The following TBC1D4 variants were observed in gnomAD, a reference collection of about 807,000 sequenced individuals.
TBC1D4 encodes the protein TBC (Tre-2, BUB2, CDC16) domain-containing protein.
In TBC1D4, 121 loss-of-function variants were observed where a neutral mutation model predicts 142.5. The observed-to-expected ratio is 0.85, with a 90% CI of 0.73 to 0.99. The LOEUF (loss-of-function observed/expected upper bound fraction) is 0.99. Among genes scored for constraint, TBC1D4 ranks in the 50% least tolerant of loss-of-function variants. The pLI, the probability that TBC1D4 is intolerant of heterozygous loss-of-function variation, is 0.00. For synonymous variants in TBC1D4, 630 were observed against 628.2 expected (o/e 1.00, Z -0.04); for missense variants, 1,475 against 1,606.6 (o/e 0.92, Z 1.40).
Position 75,354,488 on chromosome 13 carries a change from C to T in TBC1D4, c.1275+1659G>A, listed in dbSNP as rs557325182. 3.4e-4 allele frequency among the ~76,000 whole-genome samples: 51 copies of T among 152,224 alleles called. 2 individuals are homozygous for T. The South Asian group carries it at 0.011, about 32-fold the overall frequency. On this transcript the variant is annotated intron_variant, in intron 4 of 20. Coordinates refer to ENST00000377636, the MANE Select transcript of TBC1D4 (RefSeq NM_014832.5). The stretch of plus-strand genomic sequence containing the variant: ...CTTTCAGTCAATAGGATTTGATGAA[C>T]AACTGCACATAAAATGTGAAAGAGA...
rs116240927 is a variant in TBC1D4 at position 75,460,459 on chromosome 13, C to T, written c.498+20811G>A. Among the ~76,000 whole-genome samples the T allele has an allele frequency of 4.2e-3, 643 of 152,184 alleles. 12 individuals are homozygous for T. The highest frequency in any genetic ancestry group is 0.015 in the African/African-American group (625 of 41,500). ...CAAGAGGGCATTCCCAACAAAAAGA[C>T]CAATGTGTGTAGAGAGAGATGTGGA... On this transcript the variant is annotated intron_variant, in intron 1 of 20. Coordinates refer to ENST00000377636, the MANE Select transcript of TBC1D4 (RefSeq NM_014832.5).
intron 1 of TBC1D4, among the ~76,000 whole-genome samples, chr13:75,408,493 T>C (rs1037507435): frequency 6.6e-6 from 1 of 152,238 alleles, no homozygotes; most frequent in Non-Finnish European, 1.5e-5. Flanking sequence ...CATATAATGG[T>C]GAAGTCCAGG....
intron 1 of TBC1D4, among the ~76,000 whole-genome samples, chr13:75,458,157 T>C (rs1240969432): frequency 1.3e-5 from 2 of 152,012 alleles, no homozygotes; most frequent in Non-Finnish European, 2.9e-5. Context: ...ACTTGAAGGA[T>C]GGTGAATGTG....
At chr13:75,355,222 T>C (rs988897973) in intron 4 of TBC1D4, among the ~76,000 whole-genome samples, 1 of 152,180 alleles carries the variant, frequency 6.6e-6, no homozygotes, top group Non-Finnish European at 1.5e-5. Flanking sequence ...ATGACGAAGT[T>C]GTATGTGTTT....
At chr13:75,453,762 T>A (rs1887619842) in intron 1 of TBC1D4, among the ~76,000 whole-genome samples, 1 of 151,520 alleles carries the variant, frequency 6.6e-6, no homozygotes, top group Admixed American at 6.6e-5. Context: ...CTCAGGAGGC[T>A]GAGATGGCAG....
chr13:75,447,628 G>A (rs1385930390), intron 1 of TBC1D4, among the ~76,000 whole-genome samples: 2 of 151,806 alleles, frequency 1.3e-5, no homozygotes, highest in Non-Finnish European at 2.9e-5. Flanking sequence ...AACAGTACTG[G>A]TCAGTGACCT....
At chr13:75,398,531 G>A (rs1884917301) in intron 1 of TBC1D4, among the ~76,000 whole-genome samples, 1 of 152,122 alleles carries the variant, frequency 6.6e-6, no homozygotes, top group Non-Finnish European at 1.5e-5. Flanking sequence ...GAACTTGGGG[G>A]TCAACTTAAG....
At chr13:75,295,644 G>T (rs1437311955) in intron 17 of TBC1D4, among the ~76,000 whole-genome samples, 1 of 152,130 alleles carries the variant, frequency 6.6e-6, no homozygotes, top group Non-Finnish European at 1.5e-5. Flanking sequence ...AGAACTAAAA[G>T]AAAAAATTAT....
chr13:75,473,156 C>A (rs1289581374), intron 1 of TBC1D4, among the ~76,000 whole-genome samples: 1 of 151,888 alleles, frequency 6.6e-6, no homozygotes, highest in Non-Finnish European at 1.5e-5. Flanking sequence ...CACCACCACA[C>A]CTGGCTAATT....
At chr13:75,466,720 A>C (rs1888182480) in intron 1 of TBC1D4, among the ~76,000 whole-genome samples, 1 of 151,790 alleles carries the variant, frequency 6.6e-6, no homozygotes, top group Admixed American at 6.6e-5. Context: ...AAAATACAAA[A>C]ATTAGCTGGG....
At chr13:75,478,364 C>T (rs1240922142) in intron 1 of TBC1D4, among the ~76,000 whole-genome samples, 1 of 152,012 alleles carries the variant, frequency 6.6e-6, no homozygotes, top group African/African-American at 2.4e-5. Flanking sequence ...ATAAAGTATA[C>T]GGTCATCCAA....
At chr13:75,459,080 G>A (rs377307391) in intron 1 of TBC1D4, among the ~76,000 whole-genome samples, 8 of 152,126 alleles carry the variant, frequency 5.3e-5, no homozygotes, top group Non-Finnish European at 7.4e-5. Context: ...CAGCTCACTC[G>A]TTGGCACACC....
chr13:75,313,606 C>T (rs1179613743), intron 12 of TBC1D4, among the ~76,000 whole-genome samples: 1 of 152,216 alleles, frequency 6.6e-6, no homozygotes, highest in South Asian at 2.1e-4. Flanking sequence ...ATTGCAGCCT[C>T]GACCTCCCAG....
chr13:75,296,798 G>A (rs941456155), intron 17 of TBC1D4, among the ~76,000 whole-genome samples: 28 of 152,144 alleles, frequency 1.8e-4, no homozygotes, highest in African/African-American at 5.3e-4. Context: ...AGAAACAAAC[G>A]TGACAAGATA....
At chr13:75,407,457 C>A (rs576834919) in intron 1 of TBC1D4, among the ~76,000 whole-genome samples, 1 of 152,174 alleles carries the variant, frequency 6.6e-6, no homozygotes, top group East Asian at 1.9e-4. Context: ...AATCTCCACA[C>A]AAAAACAGAA....
chr13:75,445,114 C>T, intron 1 of TBC1D4, among the ~76,000 whole-genome samples: 1 of 152,190 alleles, frequency 6.6e-6, no homozygotes, highest in East Asian at 1.9e-4. Context: ...ATGCTTTTTC[C>T]TCATACTACA....
Position 75,473,256 on chromosome 13 carries a change from CT to C in TBC1D4, c.498+8013del, listed in dbSNP as rs1195525577. On this transcript the variant is annotated intron_variant, in intron 1 of 20. Coordinates refer to ENST00000377636, the MANE Select transcript of TBC1D4 (RefSeq NM_014832.5). ...TCTCAAATGATTTGCTTGCTTCGGC[CT>C]CCCAATTTTTACTGAATTTTAAAAG... Among the ~76,000 whole-genome samples, 9 of 152,232 alleles carry C rather than the reference CT, an allele frequency of 5.9e-5. No homozygotes were observed. In the South Asian group the frequency reaches 1.7e-3, roughly 28 times the overall value.
At chr13:75,416,075 G>A (rs906794457) in intron 1 of TBC1D4, among the ~76,000 whole-genome samples, 4 of 152,180 alleles carry the variant, frequency 2.6e-5, no homozygotes, top group African/African-American at 9.6e-5. Context: ...TTAGCAAATT[G>A]TACAAAACCT....
chr13:75,284,158 T>C lies in TBC1D4; in HGVS notation c.*2634A>G, dbSNP rs526155. On this transcript the variant is annotated 3_prime_UTR_variant, in exon 21 of 21. Transcript: ENST00000377636. ...ATGCAGATCTTGTAAAGCAGCGGTC[T>C]TCAACCTTCTTGACACCAGGGACTG... is the stretch of plus-strand genomic sequence containing the variant. Among the ~76,000 whole-genome samples the C allele has an allele frequency of 0.15, 22,595 of 152,140 alleles. 5,097 individuals carry two copies. Among genetic ancestry groups the C allele is most frequent in the African/African-American group, 0.49 (20,154 of 41,438 alleles).
Sources: allele counts gnomAD v4.1 joint callset (sites outside exome capture counted in the v4.1 genomes callset), GRCh38; gene constraint gnomAD v4.1.1; transcripts MANE v1.5; gene names NCBI Gene and HGNC (gene_info 2026-07-23, HGNC 2026-07-21).